The following ADAMTSL1 variants were observed in gnomAD, a reference collection of about 807,000 sequenced individuals.
The protein encoded by ADAMTSL1 is ADAMTS-like protein 1.
A neutral mutation model predicts 201.8 loss-of-function variants in ADAMTSL1; 126 were observed. That is an observed-to-expected ratio of 0.62 (90% CI 0.54 to 0.72). The LOEUF is 0.72. Among genes scored for constraint, ADAMTSL1 ranks in the 30% least tolerant of loss-of-function variants. The pLI is 0.00. For synonymous variants in ADAMTSL1, 1,121 were observed against 903.4 expected, an observed-to-expected ratio of 1.24 and a Z score of -4.32; for missense variants, 2,679 against 2,277.8, an observed-to-expected ratio of 1.18 and a Z score of -3.59.
intron 9 of ADAMTSL1, among the ~76,000 whole-genome samples, chr9:18,665,249 T>C (rs1564131799): frequency 6.6e-6 from 1 of 152,130 alleles, no homozygotes; most frequent in Non-Finnish European, 1.5e-5. Flanking sequence ...ATCCCTGATA[T>C]CCACTTTTTG....
At chr9:18,632,218 C>G (rs1443462590) in intron 5 of ADAMTSL1, among the ~76,000 whole-genome samples, 1 of 152,180 alleles carries the variant, frequency 6.6e-6, no homozygotes, top group Non-Finnish European at 1.5e-5. Flanking sequence ...ATCTTCCAAT[C>G]CATCCCAAAT....
At chr9:18,195,503 A>C (rs1310862041) in intron 2 of ADAMTSL1, among the ~76,000 whole-genome samples, 3 of 152,130 alleles carry the variant, frequency 2.0e-5, no homozygotes, top group African/African-American at 7.2e-5. Context: ...AACAAACACA[A>C]GTTGTCTGAC....
intron 2 of ADAMTSL1, among the ~76,000 whole-genome samples, chr9:18,221,568 A>G (rs140187816): frequency 1.0e-3 from 159 of 152,276 alleles, no homozygotes; most frequent in African/African-American, 3.4e-3. Context: ...GAGCTTGCCT[A>G]TAAATTTTCC....
chr9:18,684,812 A>C lies in ADAMTSL1; in HGVS notation c.1574+12A>C, dbSNP rs372443307. 3 of 1,605,214 alleles carry C rather than the reference A, an allele frequency of 1.9e-6. No homozygotes were observed. The highest frequency in any genetic ancestry group is 2.6e-6 in the Non-Finnish European group (3 of 1,176,012). ...TCAGAGGAGCCCTCGTAAGTTGTAAAAGCACAGACTGTTCTATATTTGAAA... is the reference window on the plus strand; with the variant it reads ...TCAGAGGAGCCCTCGTAAGTTGTAACAGCACAGACTGTTCTATATTTGAAA... On this transcript the variant is annotated intron_variant, in intron 13 of 28. Coordinates refer to ENST00000380548, the MANE Select transcript of ADAMTSL1 (RefSeq NM_001040272.6).
intron 3 of ADAMTSL1, among the ~76,000 whole-genome samples, chr9:18,543,214 T>C (rs1447499398): frequency 6.6e-6 from 1 of 152,184 alleles, no homozygotes; most frequent in Non-Finnish European, 1.5e-5. Flanking sequence ...GTGACTAAAC[T>C]CATTATAGGA....
At chr9:18,211,057 G>T (rs1213217560) in intron 2 of ADAMTSL1, among the ~76,000 whole-genome samples, 1 of 152,072 alleles carries the variant, frequency 6.6e-6, no homozygotes, top group African/African-American at 2.4e-5. Context: ...GCCACAGCTG[G>T]CTGGACAAAG....
At position 18,612,364 on chromosome 9, in the gene ADAMTSL1, A is replaced by G. The variant is rs572799983; in HGVS notation, c.475-9879A>G. 5.9e-5 allele frequency among the ~76,000 whole-genome samples: 9 copies of G among 152,284 alleles called. No individual in the cohort carries two copies. The East Asian group carries it at 1.5e-3, about 26-fold the overall frequency. ...GCTGTTATGTTTTAGCTTGAGACAAAGGGGAAAATTCTTTGAAATCGCAAT... is the reference window on the plus strand; with the variant it reads ...GCTGTTATGTTTTAGCTTGAGACAAGGGGGAAAATTCTTTGAAATCGCAAT... On this transcript the variant is annotated intron_variant, in intron 4 of 28. Transcript: ENST00000380548.
At chr9:18,355,176 C>G (rs1184666615) in intron 2 of ADAMTSL1, among the ~76,000 whole-genome samples, 1 of 152,114 alleles carries the variant, frequency 6.6e-6, no homozygotes, top group African/African-American at 2.4e-5. Flanking sequence ...TACTGCATCT[C>G]TTTGTAGAAT....
chr9:18,800,715 C>G (rs1026782594), intron 20 of ADAMTSL1, among the ~76,000 whole-genome samples: 1 of 152,196 alleles, frequency 6.6e-6, no homozygotes, highest in African/African-American at 2.4e-5. Context: ...ATTCCAACAT[C>G]TATTCAATGG....
At chr9:18,131,614 A>G (rs1041879921) in intron 1 of ADAMTSL1, among the ~76,000 whole-genome samples, 1 of 151,948 alleles carries the variant, frequency 6.6e-6, no homozygotes, top group African/African-American at 2.4e-5. Flanking sequence ...ACTGACAAGG[A>G]CCTCTCATCT....
intron 1 of ADAMTSL1, among the ~76,000 whole-genome samples, chr9:17,917,438 T>A (rs1826140006): frequency 6.6e-6 from 1 of 152,080 alleles, no homozygotes; most frequent in South Asian, 2.1e-4. Flanking sequence ...ATGGATTTTG[T>A]TTCTGCAGCT....
At chr9:18,323,927 G>A (rs1302393044) in intron 2 of ADAMTSL1, among the ~76,000 whole-genome samples, 1 of 152,108 alleles carries the variant, frequency 6.6e-6, no homozygotes, top group Non-Finnish European at 1.5e-5. Context: ...TAGATTCAGT[G>A]CAATCAACTT....
intron 2 of ADAMTSL1, among the ~76,000 whole-genome samples, chr9:18,255,930 G>C (rs1563838625): frequency 1.3e-5 from 2 of 152,200 alleles, no homozygotes; most frequent in African/African-American, 2.4e-5. Context: ...TTGTGGTCTT[G>C]TTTCTCATAT....
chr9:18,816,390 C>T (rs766603561), intron 20 of ADAMTSL1, among the ~76,000 whole-genome samples: 1 of 152,122 alleles, frequency 6.6e-6, no homozygotes, highest in Non-Finnish European at 1.5e-5. Flanking sequence ...GTGCATGCCA[C>T]CACACCCGGT....
intron 12 of ADAMTSL1, among the ~76,000 whole-genome samples, chr9:18,682,254 G>T (rs1435546135): frequency 6.6e-6 from 1 of 152,158 alleles, no homozygotes; most frequent in Non-Finnish European, 1.5e-5. Context: ...AGGGAGACCA[G>T]ATATTCTAGA....
At chr9:17,932,997 A>G (rs561203561) in intron 1 of ADAMTSL1, among the ~76,000 whole-genome samples, 1 of 152,310 alleles carries the variant, frequency 6.6e-6, no homozygotes, top group African/African-American at 2.4e-5. Context: ...CATCATGGTT[A>G]CAAAGTGCCC....
intron 1 of ADAMTSL1, among the ~76,000 whole-genome samples, chr9:18,093,930 G>C (rs2131823067): frequency 6.6e-6 from 1 of 152,260 alleles, no homozygotes; most frequent in East Asian, 1.9e-4. Context: ...AAGAGGAGAG[G>C]AAAAGAGGCA....
rs372999734 is a variant in ADAMTSL1 at position 18,210,383 on chromosome 9, A to G, written c.207+46402A>G. On this transcript the variant is annotated intron_variant, in intron 2 of 29. Coordinates refer to the ADAMTSL1 transcript ENST00000680146. ...TAAATAGAAGTCAAAGAACACACAC[A>G]TATACGCTAATATTATATATTATTA... is the stretch of plus-strand genomic sequence containing the variant. Among the ~76,000 whole-genome samples, 6 of 49,854 alleles carry G rather than the reference A, an allele frequency of 1.2e-4. No individual in the cohort carries two copies. The South Asian group carries it at 3.8e-3, about 32-fold the overall frequency. The allele number at this position is 49,854 out of a possible 152,430, so 32.7% of individuals were successfully genotyped here.
intron 2 of ADAMTSL1, among the ~76,000 whole-genome samples, chr9:18,209,325 T>A (rs1389739033): frequency 6.6e-6 from 1 of 152,220 alleles, no homozygotes; most frequent in South Asian, 2.1e-4. Context: ...CCTTCACTAT[T>A]GTTCTGGTGA....
Sources: allele counts gnomAD v4.1 joint callset (sites outside exome capture counted in the v4.1 genomes callset), GRCh38; gene constraint gnomAD v4.1.1; transcripts MANE v1.5; gene names NCBI Gene and HGNC (gene_info 2026-07-23, HGNC 2026-07-21).